Variants in ARB2A observed in about 807,000 individuals in gnomAD.
ARB2A encodes cotranscriptional regulator ARB2A.
chr5:94,005,899 G>A, the ARB2A span, among the ~76,000 whole-genome samples: 1 of 152,150 alleles, frequency 6.6e-6, no homozygotes, highest in East Asian at 1.9e-4. Flanking sequence ...TGCTGAGGAT[G>A]TAGCCAAGCT....
the ARB2A span, among the ~76,000 whole-genome samples, chr5:93,988,294 C>T: frequency 6.6e-6 from 1 of 152,106 alleles, no homozygotes; most frequent in Admixed American, 6.5e-5. Context: ...GAATAATGAT[C>T]CAAATCCTTA....
the ARB2A span, among the ~76,000 whole-genome samples, chr5:93,898,307 A>C: frequency 6.6e-6 from 1 of 151,274 alleles, no homozygotes; most frequent in Non-Finnish European, 1.5e-5. Flanking sequence ...GTCTGTGTAA[A>C]TTATTTAACA....
chr5:93,831,206 C>T, the ARB2A span, among the ~76,000 whole-genome samples: 11 of 150,720 alleles, frequency 7.3e-5, no homozygotes, highest in Admixed American at 2.7e-4. Context: ...ATCTGTGACC[C>T]GGGGTTTGGG....
chr5:93,911,824 C>A, the ARB2A span, among the ~76,000 whole-genome samples: 1 of 151,664 alleles, frequency 6.6e-6, no homozygotes, highest in African/African-American at 2.4e-5. Flanking sequence ...TGATCAGTGT[C>A]CCTCTCTATT....
chr5:93,962,313 TG>T, the ARB2A span, among the ~76,000 whole-genome samples: 6 of 152,138 alleles, frequency 3.9e-5, no homozygotes, highest in Middle Eastern at 3.2e-3. Flanking sequence ...CGTGAAAATT[TG>T]TAGTGAAGTT....
At chr5:93,967,481 T>C in the ARB2A span, among the ~76,000 whole-genome samples, 1 of 152,120 alleles carries the variant, frequency 6.6e-6, no homozygotes, top group African/African-American at 2.4e-5. Flanking sequence ...ATAAAATCAG[T>C]TTACGGGGTA....
chr5:93,922,929 C>A, the ARB2A span, among the ~76,000 whole-genome samples: 4 of 152,100 alleles, frequency 2.6e-5, no homozygotes, highest in Middle Eastern at 3.4e-3. Flanking sequence ...CGTATAGAAA[C>A]ATTTTTAGAG....
chr5:93,978,767 A>C, the ARB2A span, among the ~76,000 whole-genome samples: 4 of 152,088 alleles, frequency 2.6e-5, no homozygotes, highest in African/African-American at 7.2e-5. Context: ...GTACCCACTG[A>C]ATCCAAAATT....
At chr5:93,698,110 C>A in the ARB2A span, among the ~76,000 whole-genome samples, 2 of 152,134 alleles carry the variant, frequency 1.3e-5, no homozygotes, top group African/African-American at 4.8e-5. Flanking sequence ...GAAGTATGTA[C>A]CTTTAGCAAG....
chr5:93,713,951 G>T, the ARB2A span, among the ~76,000 whole-genome samples: 1 of 152,280 alleles, frequency 6.6e-6, no homozygotes, highest in East Asian at 1.9e-4. Context: ...AGGAGATAGT[G>T]ATCCTCAGCC....
chr5:93,909,919 A>G, the ARB2A span, among the ~76,000 whole-genome samples: 15 of 151,052 alleles, frequency 9.9e-5, no homozygotes, highest in Non-Finnish European at 2.1e-4. Context: ...ATTCTTAGCT[A>G]TACAAATTTA....
the ARB2A span, among the ~76,000 whole-genome samples, chr5:94,080,599 G>C: frequency 6.6e-6 from 1 of 152,160 alleles, no homozygotes; most frequent in African/African-American, 2.4e-5. Flanking sequence ...GCTGGCCTCA[G>C]GTGCAAAGTG....
the ARB2A span, chr5:93,866,346 G>C: frequency 1.1e-6 from 1 of 935,854 alleles, no homozygotes; most frequent in Non-Finnish European, 1.3e-6. Context: ...TTGATTATGG[G>C]AGGAACAGTG....
the ARB2A span, among the ~76,000 whole-genome samples, chr5:93,926,363 C>A: frequency 6.6e-6 from 1 of 151,998 alleles, no homozygotes; most frequent in African/African-American, 2.4e-5. Flanking sequence ...GAACTCCTGA[C>A]CTCAGGTGAT....
chr5:93,950,107 C>T, the ARB2A span, among the ~76,000 whole-genome samples: 2 of 152,152 alleles, frequency 1.3e-5, no homozygotes, highest in Non-Finnish European at 2.9e-5. Context: ...CTTATCCATT[C>T]ATCTGCTGAT....
At chr5:93,714,407 C>G in the ARB2A span, among the ~76,000 whole-genome samples, 12 of 152,168 alleles carry the variant, frequency 7.9e-5, no homozygotes, top group Non-Finnish European at 1.5e-4. Flanking sequence ...ATATGCTTCC[C>G]AACACTTCAG....
At chr5:93,851,868 G>A in the ARB2A span, among the ~76,000 whole-genome samples, 1 of 152,236 alleles carries the variant, frequency 6.6e-6, no homozygotes, top group South Asian at 2.1e-4. Flanking sequence ...GGACATTTGG[G>A]TTGGTTCCAA....
chr5:93,852,083 GT>G, the ARB2A span, among the ~76,000 whole-genome samples: 1 of 152,180 alleles, frequency 6.6e-6, no homozygotes, highest in African/African-American at 2.4e-5. Flanking sequence ...GTGTAAAAGT[GT>G]TCCTATTTCT....
chr5:93,842,599 GAAGAGTGGTAACT>G, the ARB2A span, among the ~76,000 whole-genome samples: 1 of 152,148 alleles, frequency 6.6e-6, no homozygotes, highest in Non-Finnish European at 1.5e-5. Context: ...AGAGCAGATA[GAAGAGTGGTAACT>G]AATTTAGCAC....
Sources: allele counts gnomAD v4.1 joint callset (sites outside exome capture counted in the v4.1 genomes callset), GRCh38; gene constraint gnomAD v4.1.1; transcripts MANE v1.5; gene names NCBI Gene and HGNC (gene_info 2026-07-23, HGNC 2026-07-21).